ZMYM2: variants seen among roughly 807,000 people sequenced by gnomAD.
The protein encoded by ZMYM2 is zinc finger MYM-type containing 2, also known as zinc finger MYM-type protein 2.
ZMYM2 carries 56 observed loss-of-function variants against 162.8 expected under a neutral mutation model. The observed-to-expected ratio is 0.34, with a 90% CI of 0.28 to 0.43. ZMYM2 has a LOEUF of 0.43. Among genes scored for constraint, ZMYM2 ranks in the 20% least tolerant of loss-of-function variants. The probability of loss-of-function intolerance (pLI) is 1.00; values close to 1 mark genes in which losing one functional copy is unlikely to be tolerated. For missense variants in ZMYM2, 1,275 were observed against 1,621.8 expected, an observed-to-expected ratio of 0.79 and a Z score of 3.67; for synonymous variants, 510 against 541.6, an observed-to-expected ratio of 0.94 and a Z score of 0.81.
At chr13:19,969,841 C>T (rs1956150911) in intron 2 of ZMYM2, among the ~76,000 whole-genome samples, 1 of 150,628 alleles carries the variant, frequency 6.6e-6, no homozygotes, top group South Asian at 2.1e-4. Flanking sequence ...CAATCTGAAA[C>T]ATTTGAACAT....
At chr13:19,952,154 T>C in the ZMYM2 span, among the ~76,000 whole-genome samples, 1 of 152,044 alleles carries the variant, frequency 6.6e-6, no homozygotes, top group African/African-American at 2.4e-5. Context: ...AAATACCACA[T>C]AATCTCACAT....
the ZMYM2 span, among the ~76,000 whole-genome samples, chr13:19,903,292 G>A: frequency 3.4e-4 from 51 of 152,006 alleles, no homozygotes; most frequent in African/African-American, 1.2e-3. Flanking sequence ...TTGCAACACT[G>A]CACTCCAGCC....
At chr13:19,883,809 C>T in the ZMYM2 span, among the ~76,000 whole-genome samples, 7 of 152,108 alleles carry the variant, frequency 4.6e-5, no homozygotes, top group Non-Finnish European at 8.8e-5. Flanking sequence ...CAGGCTGGAG[C>T]GCACGGGCAC....
chr13:20,071,656 G>A (rs1957095490), intron 21 of ZMYM2, among the ~76,000 whole-genome samples: 1 of 152,224 alleles, frequency 6.6e-6, no homozygotes, highest in Non-Finnish European at 1.5e-5. Context: ...GGAGAGGATT[G>A]TAGGGAGAGT....
chr13:19,909,722 C>T, the ZMYM2 span, among the ~76,000 whole-genome samples: 16 of 151,994 alleles, frequency 1.1e-4, no homozygotes, highest in African/African-American at 2.9e-4. Context: ...CATGAGCCAC[C>T]GTGCTCAGCT....
At chr13:19,947,888 T>C in the ZMYM2 span, among the ~76,000 whole-genome samples, 3 of 152,048 alleles carry the variant, frequency 2.0e-5, no homozygotes, top group African/African-American at 7.2e-5. Context: ...TTTTTCTAGA[T>C]ATCACCAGTT....
the ZMYM2 span, among the ~76,000 whole-genome samples, chr13:19,904,801 A>T: frequency 0.8 from 122,233 of 151,944 alleles, 50,247 homozygotes; most frequent in East Asian, 0.96. Context: ...TCCTTTTGTG[A>T]CTGGCTTATT....
At chr13:19,963,582 C>T (rs537136654) in intron 2 of ZMYM2, among the ~76,000 whole-genome samples, 2 of 151,936 alleles carry the variant, frequency 1.3e-5, no homozygotes, top group South Asian at 2.1e-4. Flanking sequence ...CAAATCACTT[C>T]GTAGTCTTTG....
At chr13:19,958,087 G>A (rs887266307), upstream of ZMYM2, among the ~76,000 whole-genome samples, 1 of 152,240 alleles carries the variant, frequency 6.6e-6, no homozygotes, top group African/African-American at 2.4e-5. Flanking sequence ...GGGAGGTGGG[G>A]GACTATTCCC....
chr13:19,941,197 T>C, the ZMYM2 span, among the ~76,000 whole-genome samples: 1 of 151,894 alleles, frequency 6.6e-6, no homozygotes, highest in Non-Finnish European at 1.5e-5. Flanking sequence ...TGGTCCCAGC[T>C]ACTTGGGAGG....
the ZMYM2 span, among the ~76,000 whole-genome samples, chr13:19,868,158 C>G: frequency 6.6e-6 from 1 of 152,194 alleles, no homozygotes; most frequent in Non-Finnish European, 1.5e-5. Context: ...ATGCCCCCAG[C>G]TGCAATTCTT....
intron 18 of ZMYM2, among the ~76,000 whole-genome samples, chr13:20,063,345 G>A (rs148202522): frequency 8.7e-4 from 127 of 146,450 alleles, no homozygotes; most frequent in African/African-American, 3.0e-3. Flanking sequence ...AGAGGTTGCA[G>A]TGAGCCGAGA....
the ZMYM2 span, among the ~76,000 whole-genome samples, chr13:19,912,704 A>G: frequency 2.0e-5 from 3 of 152,172 alleles, no homozygotes; most frequent in African/African-American, 7.2e-5. Flanking sequence ...TGATGGTACC[A>G]TGTTGATTGG....
chr13:20,043,576 G>A (rs1357131720), intron 12 of ZMYM2, among the ~76,000 whole-genome samples: 1 of 152,094 alleles, frequency 6.6e-6, no homozygotes, highest in Non-Finnish European at 1.5e-5. Context: ...TGGTCGCTCA[G>A]GGAGGTGGAG....
the ZMYM2 span, among the ~76,000 whole-genome samples, chr13:19,878,247 T>C: frequency 0.012 from 1,753 of 152,214 alleles, 32 homozygotes; most frequent in African/African-American, 0.039. Flanking sequence ...GATACAGGGT[T>C]TCACCATGTT....
chr13:19,885,473 A>G, the ZMYM2 span, among the ~76,000 whole-genome samples: 1 of 152,118 alleles, frequency 6.6e-6, no homozygotes, highest in Non-Finnish European at 1.5e-5. Context: ...TAGCTGCTTA[A>G]TTGCCATTCA....
chr13:20,019,855 AATT>A, intron 7 of ZMYM2: 1 of 440,354 alleles, frequency 2.3e-6, no homozygotes, highest in Non-Finnish European at 4.2e-6. Context: ...GTTCTTAGGA[AATT>A]ATTTTCAGAT....
the ZMYM2 span, among the ~76,000 whole-genome samples, chr13:19,883,817 C>T: frequency 1.3e-5 from 2 of 152,180 alleles, no homozygotes; most frequent in Non-Finnish European, 2.9e-5. Context: ...AGCGCACGGG[C>T]ACGATCTCGC....
Position 20,082,055 on chromosome 13 carries a change from G to A in ZMYM2, c.3493G>A (p.Asp1165Asn). 2 of 1,596,914 alleles carry A rather than the reference G, an allele frequency of 1.3e-6. No homozygotes were observed. Among genetic ancestry groups the A allele is most frequent in the Non-Finnish European group, 1.7e-6 (2 of 1,173,316 alleles). ...GSNRKDNIFI[D>N]PGYQTFEQEL... ...TAATCGAAAAGACAACATATTTATT[G>A]ATCCTGGATACCAAACATTTGAGCA... is the stretch of plus-strand genomic sequence containing the variant. Residue 1165 changes from aspartate (D) to asparagine (N), a missense_variant, in exon 22 of 25, where the codon GAT becomes AAT. Physicochemically the swap from Asp to Asn is conservative, Grantham distance 23. Transcript: ENST00000610343.
Sources: allele counts gnomAD v4.1 joint callset (sites outside exome capture counted in the v4.1 genomes callset), GRCh38; gene constraint gnomAD v4.1.1; transcripts MANE v1.5; gene names NCBI Gene and HGNC (gene_info 2026-07-23, HGNC 2026-07-21).